The following FNIP2 variants were observed in gnomAD, a reference collection of about 807,000 sequenced individuals.
FNIP2 encodes the protein folliculin-interacting protein 2.
Under a neutral mutation model 108.7 loss-of-function variants are expected in FNIP2, and 32 were observed. The ratio of observed to expected loss-of-function variants is 0.29; its 90% CI spans 0.22 to 0.40. The LOEUF (loss-of-function observed/expected upper bound fraction) is 0.40, where lower values mean the gene tolerates loss of function less well. Ranked by LOEUF, FNIP2 falls within the 10% of genes least tolerant of loss-of-function variation. The probability of loss-of-function intolerance (pLI) is 1.00; values close to 1 mark genes in which losing one functional copy is unlikely to be tolerated. For synonymous variants in FNIP2, 480 were observed against 496.7 expected (o/e 0.97, Z 0.45); for missense variants, 1,202 against 1,381.6 (o/e 0.87, Z 2.06).
At chr4:158,853,901 A>T (rs1057411083) in intron 8 of FNIP2, among the ~76,000 whole-genome samples, 2 of 152,236 alleles carry the variant, frequency 1.3e-5, no homozygotes, top group African/African-American at 4.8e-5. Flanking sequence ...CATGAGTTAT[A>T]TATAATTCAA....
chr4:158,878,772 C>T (rs1410516164), intron 14 of FNIP2, among the ~76,000 whole-genome samples: 1 of 151,692 alleles, frequency 6.6e-6, no homozygotes, highest in East Asian at 1.9e-4. Context: ...ATTAAAGTAG[C>T]CATGTTTAAA....
At chr4:158,900,000 C>G (rs1272835403) in intron 16 of FNIP2, among the ~76,000 whole-genome samples, 1 of 152,172 alleles carries the variant, frequency 6.6e-6, no homozygotes, top group African/African-American at 2.4e-5. Flanking sequence ...ATAAATTTCC[C>G]TCTAAACACT....
chr4:158,873,010 T>C (rs1406976347), intron 14 of FNIP2, among the ~76,000 whole-genome samples: 1 of 152,118 alleles, frequency 6.6e-6, no homozygotes, highest in South Asian at 2.1e-4. Context: ...AACCTGTTTT[T>C]TAAGTTGGGC....
intron 2 of FNIP2, among the ~76,000 whole-genome samples, chr4:158,828,009 CAGAAT>C (rs1162478216): frequency 2.6e-4 from 39 of 151,864 alleles, no homozygotes; most frequent in Middle Eastern, 3.4e-3. Context: ...AAAGAAGACT[CAGAAT>C]AGAAATAACT....
chr4:158,906,574 CTTAAT>C lies in FNIP2; in HGVS notation c.*2036_*2040del, dbSNP rs1000058781. The C allele has an allele frequency of 3.9e-5, 6 of 152,218 alleles. No homozygotes were observed. The highest frequency in any genetic ancestry group is 9.6e-5 in the African/African-American group (4 of 41,548). 9.4% of individuals were successfully genotyped at this position (152,218 alleles called of 1,614,324 possible). ...AAAGCCTGAGAAAATTTAATTTGCT[CTTAAT>C]TTAATGTTCCAAAACTCACTCTTGG... On this transcript the variant is annotated 3_prime_UTR_variant, in exon 17 of 17. Coordinates refer to ENST00000264433, the MANE Select transcript of FNIP2 (RefSeq NM_020840.3).
intron 16 of FNIP2, among the ~76,000 whole-genome samples, chr4:158,903,338 C>T (rs918920361): frequency 1.3e-5 from 2 of 152,132 alleles, no homozygotes; most frequent in Admixed American, 6.5e-5. Flanking sequence ...TGAGATGAGC[C>T]GGGTACATCA....
chr4:158,798,585 G>A (rs1776664474), intron 1 of FNIP2, among the ~76,000 whole-genome samples: 1 of 152,182 alleles, frequency 6.6e-6, no homozygotes, highest in South Asian at 2.1e-4. Context: ...GCAGGGGTTT[G>A]GTTCATGTAT....
At chr4:158,867,970 G>C in intron 12 of FNIP2, 132 bp from the exon 13 acceptor site, 3 of 1,282,662 alleles carry the variant, frequency 2.3e-6, no homozygotes, top group Non-Finnish European at 2.2e-6. Flanking sequence ...CTAGAGAGTA[G>C]AAATCATGAG....
At chr4:158,881,800 A>G (rs1411880468) in intron 14 of FNIP2, among the ~76,000 whole-genome samples, 30 of 152,160 alleles carry the variant, frequency 2.0e-4, no homozygotes, top group Middle Eastern at 3.4e-3. Context: ...TCGGCTCGCT[A>G]CAACCTCCAC....
chr4:158,790,077 T>TTA (rs1485827336), intron 1 of FNIP2, among the ~76,000 whole-genome samples: 4 of 151,966 alleles, frequency 2.6e-5, no homozygotes, highest in African/African-American at 4.8e-5. Flanking sequence ...ATTAAAAATA[T>TTA]TATATACAAT....
At chr4:158,851,812 T>C (rs1482182692) in intron 8 of FNIP2, among the ~76,000 whole-genome samples, 1 of 152,180 alleles carries the variant, frequency 6.6e-6, no homozygotes, top group Non-Finnish European at 1.5e-5. Context: ...GTGATACCAG[T>C]GTGGTATTCA....
chr4:158,872,220 A>G (rs1780993540), intron 14 of FNIP2: 1 of 985,414 alleles, frequency 1.0e-6, no homozygotes, highest in Non-Finnish European at 1.2e-6. Context: ...TGGAAATGCA[A>G]TCTATTGATT....
intron 7 of FNIP2, among the ~76,000 whole-genome samples, chr4:158,844,108 A>G (rs1048261768): frequency 6.6e-6 from 1 of 152,182 alleles, no homozygotes; most frequent in Non-Finnish European, 1.5e-5. Flanking sequence ...TTACCACATT[A>G]TGTGGTTATG....
At chr4:158,859,697 G>A in intron 10 of FNIP2, 31 bp downstream of exon 10, 1 of 1,563,374 alleles carries the variant, frequency 6.4e-7, no homozygotes, top group Non-Finnish European at 8.8e-7. Context: ...AAATCCAACA[G>A]GAGATGTTTA....
In FNIP2 at chr4:158,891,470, G is replaced by A; in HGVS notation, c.2974G>A (p.Ala992Thr). The change falls in exon 15 of 17, where the codon GCT (alanine) becomes ACT (threonine). Residue 992 changes from alanine (A) to threonine (T), a missense_variant. Physicochemically the swap from Ala to Thr is moderately conservative, Grantham distance 58. This residue lies in a region of FNIP2 where 142 missense variants were observed against 183.8 expected (regional missense o/e 0.77). Coordinates refer to ENST00000264433, the MANE Select transcript of FNIP2 (RefSeq NM_020840.3). Reference protein sequence around the residue: ...VHHPVLDEPIAEAVCIIADTD... With the variant: ...VHHPVLDEPITEAVCIIADTD... ...GCATCCAGTCCTGGATGAGCCAATA[G>A]CTGAAGCTGTCTGTATTATCGCAGA... The A allele has an allele frequency of 6.2e-7, 1 of 1,604,112 alleles. No individual in the cohort carries two copies. The highest frequency in any genetic ancestry group is 8.5e-7 in the Non-Finnish European group (1 of 1,174,968).
intron 7 of FNIP2, among the ~76,000 whole-genome samples, chr4:158,841,239 A>C (rs556923755): frequency 8.5e-5 from 13 of 152,234 alleles, no homozygotes; most frequent in African/African-American, 2.9e-4. Flanking sequence ...GGATTTTATG[A>C]TGGTTGCGAG....
chr4:158,877,371 T>A (rs757253562), intron 14 of FNIP2, among the ~76,000 whole-genome samples: 2 of 152,230 alleles, frequency 1.3e-5, no homozygotes, highest in Non-Finnish European at 2.9e-5. Flanking sequence ...TCATACTGTC[T>A]TCATGTATAC....
intron 1 of FNIP2, among the ~76,000 whole-genome samples, chr4:158,804,095 A>G (rs1776854067): frequency 6.6e-6 from 1 of 151,698 alleles, no homozygotes; most frequent in African/African-American, 2.4e-5. Context: ...CCACCACCAC[A>G]CCTGGCTAAT....
chr4:158,856,918 C>T (rs1407116225), intron 8 of FNIP2, among the ~76,000 whole-genome samples: 1 of 152,140 alleles, frequency 6.6e-6, no homozygotes, highest in Non-Finnish European at 1.5e-5. Context: ...ACTACGTGAC[C>T]TGATTTATTC....
Sources: allele counts gnomAD v4.1 joint callset (sites outside exome capture counted in the v4.1 genomes callset), GRCh38; gene constraint gnomAD v4.1.1; regional missense constraint gnomAD v4.1.1; transcripts MANE v1.5; gene names NCBI Gene and HGNC (gene_info 2026-07-23, HGNC 2026-07-21).